Variants in NDUFV2 observed in about 807,000 individuals in gnomAD.
NDUFV2 encodes the protein NADH:ubiquinone oxidoreductase core subunit V2.
NDUFV2 carries 18 observed loss-of-function variants against 31.6 expected under a neutral mutation model. The observed-to-expected ratio is 0.57, with a 90% CI of 0.39 to 0.84. The LOEUF is 0.84. Ranked by LOEUF, NDUFV2 falls within the 40% of genes least tolerant of loss-of-function variation. The probability of loss-of-function intolerance (pLI) is 0.00; values close to 1 mark genes in which losing one functional copy is unlikely to be tolerated. For synonymous variants in NDUFV2, 83 were observed against 99.8 expected (o/e 0.83, Z 1.01); for missense variants, 314 against 303.6 (o/e 1.03, Z -0.26).
intron 7 of NDUFV2, among the ~76,000 whole-genome samples, chr18:9,132,570 T>C (rs1042641062): frequency 1.3e-5 from 2 of 152,134 alleles, no homozygotes; most frequent in African/African-American, 4.8e-5. Flanking sequence ...GTGGTGCCTA[T>C]CAATAGGCAA....
rs749823954 is a variant in NDUFV2, at chr18:9,119,598, A to T, written c.300+8A>T. On this transcript the variant is annotated splice_region_variant and intron_variant, in intron 4 of 7. Transcript: ENST00000318388. The stretch of plus-strand genomic sequence containing the variant: ...ATCTCTGCTATGAACAAGGTACTGG[A>T]TTCATTTTTGCCTTAGTTCTAAAAG... The T allele has an allele frequency of 1.9e-6, 3 of 1,602,958 alleles. No individual in the cohort carries two copies. The highest frequency in any genetic ancestry group is 1.1e-5 in the South Asian group (1 of 90,870).
In NDUFV2 at chr18:9,131,743, T is replaced by C. The variant is rs540928448; in HGVS notation, c.657-2443T>C. On this transcript the variant is annotated intron_variant, in intron 7 of 7. Coordinates refer to ENST00000318388, the MANE Select transcript of NDUFV2 (RefSeq NM_021074.5). The stretch of plus-strand genomic sequence containing the variant: ...TAAGTTAAAATGGTACACATACGTA[T>C]AGTGTTGGAATGACTGACGAACCAT... Among the ~76,000 whole-genome samples the C allele has an allele frequency of 7.9e-5, 12 of 152,234 alleles. 1 individual carries two copies. The South Asian group carries it at 2.5e-3, about 32-fold the overall frequency.
chr18:9,130,951 A>G (rs2078034850), intron 7 of NDUFV2, among the ~76,000 whole-genome samples: 1 of 152,196 alleles, frequency 6.6e-6, no homozygotes, highest in Non-Finnish European at 1.5e-5. Context: ...TGACTCTTGA[A>G]CACCATGGGC....
At chr18:9,112,410 A>C (rs1391085743) in intron 1 of NDUFV2, 1 of 152,208 alleles carries the variant, frequency 6.6e-6, no homozygotes, top group African/African-American at 2.4e-5. Flanking sequence ...ACAGTAATGC[A>C]CAGACATGAA....
At chr18:9,124,768 G>GTAT (rs1568194324) in intron 5 of NDUFV2, 106 bp from the exon 6 acceptor site, 13 of 1,216,362 alleles carry the variant, frequency 1.1e-5, no homozygotes, top group Middle Eastern at 2.8e-4. Context: ...AAACTTAATA[G>GTAT]TCTTAAACTT....
intron 1 of NDUFV2, among the ~76,000 whole-genome samples, chr18:9,106,824 C>T (rs1191737213): frequency 6.6e-6 from 1 of 151,944 alleles, no homozygotes; most frequent in Admixed American, 6.6e-5. Flanking sequence ...TTGGCTTTTC[C>T]AGCTTCTAGA....
At chr18:9,133,365 C>T (rs1022245684) in intron 7 of NDUFV2, 1 of 152,226 alleles carries the variant, frequency 6.6e-6, no homozygotes, top group African/African-American at 2.4e-5. Context: ...AAACAGAGGT[C>T]AGACAGGGCA....
chr18:9,113,566 T>G (rs1032837681), intron 1 of NDUFV2, among the ~76,000 whole-genome samples: 4 of 152,168 alleles, frequency 2.6e-5, no homozygotes, highest in African/African-American at 9.7e-5. Flanking sequence ...TATTGTCTTA[T>G]GCCCAATTTC....
At chr18:9,121,580 C>T (rs1240255732) in intron 4 of NDUFV2, 1 of 152,056 alleles carries the variant, frequency 6.6e-6, no homozygotes, top group Non-Finnish European at 1.5e-5. Context: ...TCTGAAATGC[C>T]CGCTCTTCTT....
chr18:9,105,015 T>C, intron 1 of NDUFV2: 4 of 1,511,264 alleles, frequency 2.6e-6, no homozygotes, highest in Non-Finnish European at 3.6e-6. Flanking sequence ...TCTTTTGTAA[T>C]GTATTCTGAA....
At chr18:9,108,032 G>T (rs1598341363) in intron 1 of NDUFV2, among the ~76,000 whole-genome samples, 1 of 152,122 alleles carries the variant, frequency 6.6e-6, no homozygotes, top group South Asian at 2.1e-4. Flanking sequence ...AATTATTCTT[G>T]TCCTTAGAAC....
At chr18:9,120,734 A>G (rs2077929134) in intron 4 of NDUFV2, among the ~76,000 whole-genome samples, 1 of 152,156 alleles carries the variant, frequency 6.6e-6, no homozygotes, top group African/African-American at 2.4e-5. Context: ...GAGTAAACAT[A>G]GGTGGTTATT....
chr18:9,119,208 A>G, intron 2 of NDUFV2, 118 bp from the exon 3 acceptor site: 1 of 793,798 alleles, frequency 1.3e-6, no homozygotes, highest in Admixed American at 1.9e-5. Context: ...AGGGTGGTAT[A>G]TATCATGTTG....
At chr18:9,134,110 T>C in intron 7 of NDUFV2, 76 bp from the exon 8 acceptor site, 1 of 1,105,914 alleles carries the variant, frequency 9.0e-7, no homozygotes, top group South Asian at 1.3e-5. Flanking sequence ...TGGGCTCTTG[T>C]GAGGTAACCA....
In NDUFV2 at chr18:9,102,738, C is replaced by T. The variant is rs750382912; in HGVS notation, c.-6C>T. 9.1e-5 allele frequency: 144 copies of T among 1,585,940 alleles called. No homozygotes were observed. Among genetic ancestry groups the T allele is most frequent in the Middle Eastern group, 2.1e-4 (1 of 4,806 alleles). On this transcript the variant is annotated 5_prime_UTR_variant, in exon 1 of 8. Transcript: ENST00000318388. ...CGGCTGGGGAAGGTGAACAGTGTGG[C>T]CCGCCATGTTCTTCTCCGCGGCGCT...
chr18:9,112,486 G>A (rs1210366596), intron 1 of NDUFV2: 1 of 152,152 alleles, frequency 6.6e-6, no homozygotes, highest in Admixed American at 6.6e-5. Context: ...GGGTTTTTTT[G>A]TTTGTTTTTG....
intron 4 of NDUFV2, chr18:9,121,447 T>C (rs1221043672): frequency 1.3e-5 from 2 of 152,194 alleles, no homozygotes; most frequent in Non-Finnish European, 2.9e-5. Context: ...GATACGTCCT[T>C]GATTCAGAAC....
chr18:9,134,337 G>A lies in NDUFV2; in HGVS notation c.*58G>A, dbSNP rs924439819. 42 of 1,306,016 alleles carry A rather than the reference G, an allele frequency of 3.2e-5. No homozygotes were observed. Among genetic ancestry groups the A allele is most frequent in the African/African-American group, 2.3e-4 (16 of 68,446 alleles). The allele number at this position is 1,306,016 out of a possible 1,614,324, so 80.9% of individuals were successfully genotyped here. A position where few individuals can be genotyped will look rare whatever the true frequency, so the allele number is the denominator to read the frequency against. On this transcript the variant is annotated 3_prime_UTR_variant, in exon 8 of 8. Transcript: ENST00000318388. ...AATAAAATATGGACTTCCAATCTACGTAAACTTATTTGTTTATTCTGCTCT... is the reference window on the plus strand; with the variant it reads ...AATAAAATATGGACTTCCAATCTACATAAACTTATTTGTTTATTCTGCTCT...
intron 1 of NDUFV2, among the ~76,000 whole-genome samples, chr18:9,107,162 A>G (rs1453346170): frequency 6.6e-6 from 1 of 152,230 alleles, no homozygotes; most frequent in African/African-American, 2.4e-5. Context: ...AGAATGAACA[A>G]ACTTTAGTTT....
Sources: gnomAD v4.1 joint callset for allele counts (sites outside exome capture counted in the v4.1 genomes callset) on GRCh38, gnomAD v4.1.1 for gene constraint, MANE v1.5 for transcripts, NCBI Gene and HGNC (gene_info 2026-07-23, HGNC 2026-07-21) for gene names.